The following COMMD1 variants were observed in gnomAD, a reference collection of about 807,000 sequenced individuals.
COMMD1 encodes the protein COMM domain-containing protein 1.
COMMD1 carries 10 observed loss-of-function variants against 17.2 expected under a neutral mutation model. The ratio of observed to expected loss-of-function variants is 0.58; its 90% CI spans 0.36 to 0.99. COMMD1 has a LOEUF of 0.99. Ranked by LOEUF, COMMD1 falls within the 50% of genes least tolerant of loss-of-function variation. The pLI, the probability that COMMD1 is intolerant of heterozygous loss-of-function variation, is 0.01. For synonymous variants in COMMD1, 97 were observed against 91.6 expected (o/e 1.06, Z -0.34); for missense variants, 270 against 231.8 (o/e 1.17, Z -1.07).
At chr2:62,103,268 G>C (rs930241316) in intron 2 of COMMD1, among the ~76,000 whole-genome samples, 2 of 152,132 alleles carry the variant, frequency 1.3e-5, no homozygotes, top group African/African-American at 2.4e-5. Context: ...GAGCCACTGC[G>C]CCCGGCCTCC....
intron 2 of COMMD1, among the ~76,000 whole-genome samples, chr2:62,122,705 A>G (rs1672782447): frequency 6.6e-6 from 1 of 152,216 alleles, no homozygotes; most frequent in Admixed American, 6.5e-5. Flanking sequence ...GTTCCTTTTG[A>G]CCACATATTG....
intron 2 of COMMD1, among the ~76,000 whole-genome samples, chr2:62,015,288 T>C (rs1009036241): frequency 1.1e-4 from 17 of 152,364 alleles, no homozygotes; most frequent in African/African-American, 3.6e-4. Context: ...TTTGTCCTTT[T>C]GTGTCTGGTT....
intron 1 of COMMD1, among the ~76,000 whole-genome samples, chr2:61,906,816 C>A (rs1669785490): frequency 6.6e-6 from 1 of 152,096 alleles, no homozygotes; most frequent in Non-Finnish European, 1.5e-5. Context: ...ATCTAAACAG[C>A]CTAAAATTCA....
intron 1 of COMMD1, among the ~76,000 whole-genome samples, chr2:61,921,865 T>C (rs1487208132): frequency 6.6e-6 from 1 of 152,222 alleles, no homozygotes; most frequent in Non-Finnish European, 1.5e-5. Flanking sequence ...TTGTGTTTCT[T>C]AGAGGTGCAA....
chr2:61,999,507 T>A (rs543935106), intron 1 of COMMD1, among the ~76,000 whole-genome samples: 2 of 152,348 alleles, frequency 1.3e-5, no homozygotes, highest in South Asian at 4.1e-4. Flanking sequence ...ACAGTTGAAG[T>A]ATATCAAACC....
At chr2:61,978,090 G>A (rs1671854410) in intron 1 of COMMD1, among the ~76,000 whole-genome samples, 1 of 152,016 alleles carries the variant, frequency 6.6e-6, no homozygotes, top group African/African-American at 2.4e-5. Context: ...GAGGCCAGGA[G>A]TTTGAGACCA....
chr2:62,000,770 G>T lies in COMMD1; in HGVS notation c.250G>T (p.Gly84Cys). The change falls in exon 2 of 3, where the codon GGT becomes TGT. Residue 84 changes from glycine to cysteine, a missense_variant. By Grantham distance (159) the Gly-to-Cys change is radical. Transcript: ENST00000311832. ...AFLTAQTKKQ[G>C]GITSDQAAVI... The stretch of plus-strand genomic sequence containing the variant: ...CTTGACTGCTCAAACCAAAAAGCAA[G>T]GTGGGATCACATCTGACCAAGCTGC... 1.2e-6 allele frequency: 2 copies of T among 1,614,154 alleles called. No individual in the cohort carries two copies. Among genetic ancestry groups the T allele is most frequent in the Non-Finnish European group, 1.7e-6 (2 of 1,180,022 alleles).
intron 1 of COMMD1, among the ~76,000 whole-genome samples, chr2:61,911,075 C>A (rs571059046): frequency 1.3e-5 from 2 of 150,650 alleles, no homozygotes; most frequent in African/African-American, 2.4e-5. Flanking sequence ...AAGAGCGAAA[C>A]CCCATCTAAA....
At chr2:62,040,999 T>C (rs1670177322) in intron 2 of COMMD1, among the ~76,000 whole-genome samples, 2 of 152,202 alleles carry the variant, frequency 1.3e-5, no homozygotes, top group Non-Finnish European at 2.9e-5. Flanking sequence ...CATGAGCCAC[T>C]GTGCCTGGCC....
At chr2:61,932,952 C>T (rs896345088) in intron 1 of COMMD1, among the ~76,000 whole-genome samples, 1 of 152,138 alleles carries the variant, frequency 6.6e-6, no homozygotes, top group Admixed American at 6.5e-5. Flanking sequence ...CTCCTGCCCT[C>T]TCGGCACCTG....
intron 2 of COMMD1, among the ~76,000 whole-genome samples, chr2:62,026,684 T>C (rs553583156): frequency 2.3e-4 from 35 of 152,314 alleles, no homozygotes; most frequent in African/African-American, 8.2e-4. Context: ...ACAAAAGGTA[T>C]AGGACAAAGA....
At chr2:61,966,932 A>G (rs1671520249) in intron 1 of COMMD1, among the ~76,000 whole-genome samples, 1 of 152,124 alleles carries the variant, frequency 6.6e-6, no homozygotes, top group Admixed American at 6.5e-5. Context: ...TTTACCGTCA[A>G]CTTGAAGTAT....
chr2:61,985,321 A>G (rs1250129054), intron 1 of COMMD1, among the ~76,000 whole-genome samples: 1 of 152,172 alleles, frequency 6.6e-6, no homozygotes, highest in Non-Finnish European at 1.5e-5. Flanking sequence ...AAGTGCTGGG[A>G]TTACAGGCAT....
chr2:62,018,208 G>A (rs1374819488), intron 2 of COMMD1, among the ~76,000 whole-genome samples: 2 of 152,122 alleles, frequency 1.3e-5, no homozygotes, highest in Admixed American at 1.3e-4. Context: ...CTACCCAGGG[G>A]GAAGTCACTG....
At chr2:61,928,101 C>G (rs1388749511) in intron 1 of COMMD1, among the ~76,000 whole-genome samples, 2 of 151,800 alleles carry the variant, frequency 1.3e-5, no homozygotes, top group East Asian at 1.9e-4. Flanking sequence ...TGATAGTAAC[C>G]TTTTGTAATT....
intron 2 of COMMD1, among the ~76,000 whole-genome samples, chr2:62,074,923 CTTG>C (rs1210476858): frequency 7.9e-6 from 1 of 126,860 alleles, no homozygotes; most frequent in African/African-American, 3.0e-5. Context: ...AAGTCTCGCT[CTTG>C]TTGTCCAGGC....
chr2:62,063,364 G>T (rs1259569906), intron 2 of COMMD1, among the ~76,000 whole-genome samples: 1 of 152,106 alleles, frequency 6.6e-6, no homozygotes, highest in African/African-American at 2.4e-5. Flanking sequence ...CTAATTTTTT[G>T]TATTTTTAGT....
rs557808927 is a variant in COMMD1, at chr2:62,093,595, C to G, written c.463-42236C>G. 3.3e-5 allele frequency among the ~76,000 whole-genome samples: 5 copies of G among 152,214 alleles called. No individual in the cohort carries two copies. The East Asian group carries it at 9.7e-4, about 29-fold the overall frequency. ...AATGTTAGTGAGGGTATTTGTAGGA[C>G]GAAAGGTACATTGCCGTACAGGACA... On this transcript the variant is annotated intron_variant, in intron 2 of 2. Transcript: ENST00000311832.
At chr2:62,027,594 C>T (rs1669793026) in intron 2 of COMMD1, among the ~76,000 whole-genome samples, 1 of 152,036 alleles carries the variant, frequency 6.6e-6, no homozygotes, top group Non-Finnish European at 1.5e-5. Context: ...AAAAGGACAG[C>T]AATGCCTGCA....
Sources: gnomAD v4.1 joint callset for allele counts (sites outside exome capture counted in the v4.1 genomes callset) on GRCh38, gnomAD v4.1.1 for gene constraint, MANE v1.5 for transcripts, NCBI Gene and HGNC (gene_info 2026-07-23, HGNC 2026-07-21) for gene names.